Variants in PARD3 observed in about 807,000 individuals in gnomAD.
PARD3 encodes the protein par-3 family cell polarity regulator, also known as partitioning defective 3 homolog.
A neutral mutation model predicts 155.4 loss-of-function variants in PARD3; 75 were observed. The ratio of observed to expected loss-of-function variants is 0.48; its 90% CI spans 0.40 to 0.58. The LOEUF (loss-of-function observed/expected upper bound fraction) is 0.58, where lower values mean the gene tolerates loss of function less well. Ranked by LOEUF, PARD3 falls within the 20% of genes least tolerant of loss-of-function variation. PARD3 has a pLI of 0.00. For synonymous variants in PARD3, 576 were observed against 610.5 expected (o/e 0.94, Z 0.83); for missense variants, 1,642 against 1,721.7 (o/e 0.95, Z 0.82).
intron 22 of PARD3, 22 bp from the exon 23 acceptor site, chr10:34,131,605 A>G: frequency 6.2e-7 from 1 of 1,610,918 alleles, no homozygotes; most frequent in Non-Finnish European, 8.5e-7. Flanking sequence ...ATGAGGCAGC[A>G]GTGAATACCC....
At chr10:34,493,782 A>T (rs927779810) in intron 3 of PARD3, among the ~76,000 whole-genome samples, 1 of 152,152 alleles carries the variant, frequency 6.6e-6, no homozygotes, top group Non-Finnish European at 1.5e-5. Context: ...TAAACTTCCA[A>T]CTAAACTATA....
chr10:34,684,619 G>A (rs1385657648), intron 2 of PARD3, among the ~76,000 whole-genome samples: 1 of 151,990 alleles, frequency 6.6e-6, no homozygotes, highest in Non-Finnish European at 1.5e-5. Context: ...TCGAATCCTG[G>A]TTCCAGAAAA....
In PARD3 at chr10:34,223,928, C is replaced by T. The variant is rs77817498; in HGVS notation, c.3419+45729G>A. Reference sequence around the variant, plus strand: ...TGGATTCTAACCCAGGTCTTCATGGCTCTAATCCCAGCCTAATCACTTTTC... The same window carrying T: ...TGGATTCTAACCCAGGTCTTCATGGTTCTAATCCCAGCCTAATCACTTTTC... On this transcript the variant is annotated intron_variant, in intron 22 of 24. Transcript: ENST00000374788. 8.3e-3 allele frequency among the ~76,000 whole-genome samples: 1,260 copies of T among 152,318 alleles called. 22 individuals carry two copies. The highest frequency in any genetic ancestry group is 0.028 in the African/African-American group (1,156 of 41,572).
intron 16 of PARD3, among the ~76,000 whole-genome samples, chr10:34,337,682 T>A (rs1363474156): frequency 6.6e-6 from 1 of 152,192 alleles, no homozygotes; most frequent in African/African-American, 2.4e-5. Flanking sequence ...TACTTTCCTC[T>A]CTGTTTCTTC....
intron 3 of PARD3, among the ~76,000 whole-genome samples, chr10:34,485,918 GTTTTTTTTT>G (rs66906403): frequency 3.1e-5 from 3 of 95,790 alleles, no homozygotes; most frequent in Non-Finnish European, 6.0e-5. Context: ...AACGTTTTGG[GTTTTTTTTT>G]TTTTTTTTTT....
In PARD3 at chr10:34,352,761, C is replaced by T. The variant is rs191263828; in HGVS notation, c.2068-4646G>A. Among the ~76,000 whole-genome samples, 1,377 of 152,288 alleles carry T rather than the reference C, an allele frequency of 9.0e-3. 18 individuals carry two copies. The highest frequency in any genetic ancestry group is 0.031 in the African/African-American group (1,307 of 41,570). ...GCCGAGATTGCAGCCTCTGCCCGGC[C>T]GCGACCCCATCTGGGAAGTGAGGAG... On this transcript the variant is annotated intron_variant, in intron 14 of 24. Coordinates refer to ENST00000374788, the MANE Select transcript of PARD3 (RefSeq NM_001184785.2).
In PARD3 at chr10:34,306,278, C is replaced by CA. The variant is rs201060958; in HGVS notation, c.3065+10828dup. On this transcript the variant is annotated intron_variant, in intron 20 of 24. Coordinates refer to ENST00000374788, the MANE Select transcript of PARD3 (RefSeq NM_001184785.2). The stretch of plus-strand genomic sequence containing the variant: ...CCTGGGCGACAGAGCAAGAATGTCT[C>CA]AAAAAAAAAAAATCAAAATTAATGT... Among the ~76,000 whole-genome samples the CA allele has an allele frequency of 6.1e-3, 792 of 130,176 alleles. 6 individuals carry two copies. Among genetic ancestry groups the CA allele is most frequent in the African/African-American group, 0.012 (405 of 35,158 alleles). 85.4% of individuals were successfully genotyped at this position (130,176 alleles called of 152,430 possible).
intron 5 of PARD3, among the ~76,000 whole-genome samples, chr10:34,424,621 T>G (rs1293614616): frequency 6.6e-6 from 1 of 151,990 alleles, no homozygotes; most frequent in Non-Finnish European, 1.5e-5. Context: ...TTCAAGAGAT[T>G]CTCATTTCTC....
intron 1 of PARD3, among the ~76,000 whole-genome samples, chr10:34,740,297 G>A (rs927326413): frequency 1.3e-5 from 2 of 152,218 alleles, no homozygotes. Context: ...GCCCTCCTGG[G>A]TTCTGAGACA....
In PARD3 at chr10:34,271,440, C is replaced by G. The variant is rs893342768; in HGVS notation, c.3177-1541G>C. Among the ~76,000 whole-genome samples, 6 of 152,016 alleles carry G rather than the reference C, an allele frequency of 3.9e-5. No individual in the cohort carries two copies. In the South Asian group the frequency reaches 1.2e-3, roughly 32 times the overall value. Reference sequence around the variant, plus strand: ...ACTACAATCCATCATATTAACAGATCAAAGAAGAAAAGTTACATGATTGTA... The same window carrying G: ...ACTACAATCCATCATATTAACAGATGAAAGAAGAAAAGTTACATGATTGTA... On this transcript the variant is annotated intron_variant, in intron 21 of 24. Transcript: ENST00000374788.
At chr10:34,518,139 A>G (rs1407583301) in intron 2 of PARD3, among the ~76,000 whole-genome samples, 1 of 152,232 alleles carries the variant, frequency 6.6e-6, no homozygotes, top group Non-Finnish European at 1.5e-5. Flanking sequence ...TCAGCCTCCC[A>G]AAGTGCTGGG....
At chr10:34,447,673 T>C (rs974934484) in intron 5 of PARD3, among the ~76,000 whole-genome samples, 2 of 150,502 alleles carry the variant, frequency 1.3e-5, no homozygotes, top group African/African-American at 4.9e-5. Flanking sequence ...GGCGTGGTGG[T>C]GGGCACCTGT....
chr10:34,347,448 CA>C (rs146745215), intron 15 of PARD3, among the ~76,000 whole-genome samples: 11,209 of 152,176 alleles, frequency 0.074, 561 homozygotes, highest in Non-Finnish European at 0.1. Context: ...ACTAAAGCTT[CA>C]GAAAAGTAAA....
intron 4 of PARD3, among the ~76,000 whole-genome samples, chr10:34,451,982 T>C (rs907100095): frequency 1.0e-4 from 15 of 145,764 alleles, no homozygotes; most frequent in African/African-American, 3.7e-4. Context: ...GACTTTCTTA[T>C]ACTAATAAGA....
chr10:34,716,043 A>C lies in PARD3; in HGVS notation c.121-19624T>G, dbSNP rs370671116. On this transcript the variant is annotated intron_variant, in intron 1 of 24. Coordinates refer to ENST00000374788, the MANE Select transcript of PARD3 (RefSeq NM_001184785.2). ...CAGTTTCAAATACAGACATCCATTT[A>C]AAATAGGAGAATTTTAAAGTACGGG... 9.8e-5 allele frequency among the ~76,000 whole-genome samples: 15 copies of C among 152,350 alleles called. No homozygotes were observed. The South Asian group carries it at 3.1e-3, about 32-fold the overall frequency.
At chr10:34,488,782 G>C (rs1198537144) in intron 3 of PARD3, 1 of 154,682 alleles carries the variant, frequency 6.5e-6, no homozygotes, top group Non-Finnish European at 1.4e-5. Flanking sequence ...CAGCTGCTGA[G>C]GATGCCCTCG....
At chr10:34,441,349 T>G (rs16935408) in intron 5 of PARD3, among the ~76,000 whole-genome samples, 1 of 152,262 alleles carries the variant, frequency 6.6e-6, no homozygotes, top group East Asian at 1.9e-4. Context: ...TCACTTCAGC[T>G]TTGCCCACAA....
At chr10:34,244,768 A>G (rs1953834904) in intron 22 of PARD3, among the ~76,000 whole-genome samples, 1 of 152,226 alleles carries the variant, frequency 6.6e-6, no homozygotes, top group Non-Finnish European at 1.5e-5. Context: ...GTTATTAAGT[A>G]TCTTGAAGTC....
At chr10:34,336,088 C>T (rs1012616291) in intron 18 of PARD3, 111 bp downstream of exon 18, 8 of 745,226 alleles carry the variant, frequency 1.1e-5, no homozygotes, top group South Asian at 3.4e-5. Flanking sequence ...AAAACATCTG[C>T]GTAAGACTGG....
Sources: allele counts gnomAD v4.1 joint callset (sites outside exome capture counted in the v4.1 genomes callset), GRCh38; gene constraint gnomAD v4.1.1; transcripts MANE v1.5; gene names NCBI Gene and HGNC (gene_info 2026-07-23, HGNC 2026-07-21).